AFF3: variants seen among roughly 807,000 people sequenced by gnomAD.
AFF3 encodes ALF transcription elongation factor 3.
AFF3 carries 32 observed loss-of-function variants against 129.7 expected under a neutral mutation model. That is an observed-to-expected ratio of 0.25 (90% CI 0.19 to 0.33). The LOEUF is 0.33. Among genes scored for constraint, AFF3 ranks in the 10% least tolerant of loss-of-function variants. The probability of loss-of-function intolerance (pLI) is 1.00; values close to 1 mark genes in which losing one functional copy is unlikely to be tolerated. For synonymous variants in AFF3, 644 were observed against 635.4 expected (o/e 1.01, Z -0.20); for missense variants, 1,373 against 1,592.0 (o/e 0.86, Z 2.34).
intron 8 of AFF3, among the ~76,000 whole-genome samples, chr2:99,835,980 C>T (rs1475417992): frequency 6.6e-6 from 1 of 152,192 alleles, no homozygotes; most frequent in Non-Finnish European, 1.5e-5. Context: ...TTGATTGTGA[C>T]ACTCAGTTTT....
At chr2:100,024,084 T>C (rs1182050028) in intron 4 of AFF3, among the ~76,000 whole-genome samples, 1 of 150,610 alleles carries the variant, frequency 6.6e-6, no homozygotes, top group Non-Finnish European at 1.5e-5. Flanking sequence ...CACCAAAAAT[T>C]AGCCGGGCGT....
chr2:99,793,338 C>T (rs1685336706), intron 8 of AFF3, among the ~76,000 whole-genome samples: 1 of 152,232 alleles, frequency 6.6e-6, no homozygotes, highest in South Asian at 2.1e-4. Flanking sequence ...GCCTGCAGAA[C>T]CCCGAGCCCA....
chr2:99,852,240 G>T (rs1454987427), intron 7 of AFF3, among the ~76,000 whole-genome samples: 1 of 152,074 alleles, frequency 6.6e-6, no homozygotes, highest in East Asian at 1.9e-4. Context: ...CTTTCAATCT[G>T]TTAAGCAAGA....
At chr2:100,058,628 T>C (rs991167852) in intron 4 of AFF3, among the ~76,000 whole-genome samples, 5 of 152,230 alleles carry the variant, frequency 3.3e-5, no homozygotes, top group African/African-American at 1.2e-4. Flanking sequence ...CAAAATTACA[T>C]ACCACTTAGC....
At chr2:99,931,165 C>T (rs960794179) in intron 7 of AFF3, among the ~76,000 whole-genome samples, 1 of 152,076 alleles carries the variant, frequency 6.6e-6, no homozygotes, top group Non-Finnish European at 1.5e-5. Context: ...ATGTAAGGAC[C>T]CCCTTCCCAT....
intron 2 of AFF3, chr2:100,107,530 T>G: frequency 1.0e-6 from 1 of 984,492 alleles, no homozygotes; most frequent in Non-Finnish European, 1.2e-6. Context: ...TGCCTTAGCT[T>G]TTGCTCATCC....
At chr2:100,031,068 T>TAAC (rs1684449551) in intron 4 of AFF3, among the ~76,000 whole-genome samples, 1 of 152,176 alleles carries the variant, frequency 6.6e-6, no homozygotes, top group African/African-American at 2.4e-5. Context: ...AAACCTCACT[T>TAAC]AACAGTATGA....
intron 7 of AFF3, 120 bp from the exon 8 acceptor site, chr2:99,837,644 G>T: frequency 1.2e-6 from 1 of 844,086 alleles, no homozygotes; most frequent in Non-Finnish European, 1.9e-6. Context: ...CAGGTTGAGG[G>T]GATGCCTGAC....
chr2:99,972,861 G>A (rs1163606163), intron 7 of AFF3, among the ~76,000 whole-genome samples: 2 of 152,230 alleles, frequency 1.3e-5, no homozygotes, highest in African/African-American at 2.4e-5. Flanking sequence ...GTGCCTCTTG[G>A]CTCCAGCTCT....
At chr2:100,137,417 C>T (rs940234040) in intron 1 of AFF3, among the ~76,000 whole-genome samples, 1 of 152,210 alleles carries the variant, frequency 6.6e-6, no homozygotes, top group African/African-American at 2.4e-5. Flanking sequence ...GAAACAGGGA[C>T]AGCCCAGGCA....
At chr2:99,630,184 G>A (rs555907017) in intron 13 of AFF3, among the ~76,000 whole-genome samples, 24 of 152,212 alleles carry the variant, frequency 1.6e-4, no homozygotes, top group Admixed American at 3.9e-4. Flanking sequence ...GCTCTTCATC[G>A]GAAAGCTCAT....
intron 7 of AFF3, among the ~76,000 whole-genome samples, chr2:99,994,477 T>A (rs1424317018): frequency 3.9e-5 from 6 of 152,168 alleles, no homozygotes; most frequent in Admixed American, 3.9e-4. Context: ...TTCTTCATTA[T>A]CCAAATTATC....
At chr2:99,957,117 C>T (rs1244229418) in intron 7 of AFF3, among the ~76,000 whole-genome samples, 1 of 152,138 alleles carries the variant, frequency 6.6e-6, no homozygotes, top group African/African-American at 2.4e-5. Context: ...CAAAGACACC[C>T]TCACATTCAC....
intron 4 of AFF3, among the ~76,000 whole-genome samples, chr2:100,075,898 G>A (rs914805142): frequency 1.3e-5 from 2 of 152,138 alleles, no homozygotes; most frequent in African/African-American, 4.8e-5. Flanking sequence ...GTAGGATGGA[G>A]CTTGGTGTGA....
intron 11 of AFF3, among the ~76,000 whole-genome samples, chr2:99,718,639 C>T (rs1179520825): frequency 6.6e-6 from 1 of 152,092 alleles, no homozygotes; most frequent in East Asian, 1.9e-4. Context: ...CCAAAACCTC[C>T]AGGACAATGT....
chr2:99,609,436 C>T (rs1444789040), intron 13 of AFF3, among the ~76,000 whole-genome samples: 1 of 152,098 alleles, frequency 6.6e-6, no homozygotes, highest in Non-Finnish European at 1.5e-5. Flanking sequence ...TATGCCTTTG[C>T]ATCCTCACAG....
At chr2:100,137,850 A>G (rs1260497305) in intron 1 of AFF3, among the ~76,000 whole-genome samples, 2 of 152,192 alleles carry the variant, frequency 1.3e-5, no homozygotes, top group Non-Finnish European at 2.9e-5. Flanking sequence ...ACTGGGAAAT[A>G]ATATCCATTA....
intron 13 of AFF3, among the ~76,000 whole-genome samples, chr2:99,634,518 G>A (rs1200078302): frequency 6.6e-6 from 1 of 152,194 alleles, no homozygotes; most frequent in African/African-American, 2.4e-5. Flanking sequence ...CAATATATGG[G>A]CAGGGTTCAC....
intron 7 of AFF3, among the ~76,000 whole-genome samples, chr2:99,860,914 GCT>G (rs2105913950): frequency 6.6e-6 from 1 of 152,202 alleles, no homozygotes; most frequent in East Asian, 1.9e-4. Flanking sequence ...CTTAAAATCT[GCT>G]CTCTCATCAA....
Sources: gnomAD v4.1 joint callset for allele counts (sites outside exome capture counted in the v4.1 genomes callset) on GRCh38, gnomAD v4.1.1 for gene constraint, MANE v1.5 for transcripts, NCBI Gene and HGNC (gene_info 2026-07-23, HGNC 2026-07-21) for gene names.